The following CFAP92 variants were observed in gnomAD, a reference collection of about 807,000 sequenced individuals.
The protein encoded by CFAP92 is cilia and flagella associated protein 92 (putative).
CFAP92 carries 86 observed loss-of-function variants against 106.3 expected under a neutral mutation model. The ratio of observed to expected loss-of-function variants is 0.81; its 90% CI spans 0.68 to 0.97. CFAP92 has a LOEUF of 0.97. Ranked by LOEUF, CFAP92 falls within the 50% of genes least tolerant of loss-of-function variation. The pLI is 0.00. For synonymous variants in CFAP92, 477 were observed against 506.4 expected, an observed-to-expected ratio of 0.94 and a Z score of 0.78; for missense variants, 1,204 against 1,283.8, an observed-to-expected ratio of 0.94 and a Z score of 0.95.
At chr3:128,926,849 A>C (rs565138403) in intron 12 of CFAP92, among the ~76,000 whole-genome samples, 1 of 152,242 alleles carries the variant, frequency 6.6e-6, no homozygotes, top group Non-Finnish European at 1.5e-5. Flanking sequence ...TAATCCCAGC[A>C]CTTTGGTAGG....
intron 9 of CFAP92, among the ~76,000 whole-genome samples, chr3:128,958,578 TACTC>T (rs1346357270): frequency 6.6e-6 from 1 of 152,202 alleles, no homozygotes; most frequent in Non-Finnish European, 1.5e-5. Context: ...TATATGGACA[TACTC>T]ACACTAAGAC....
chr3:129,014,407 G>A, the CFAP92 span, among the ~76,000 whole-genome samples: 2 of 152,138 alleles, frequency 1.3e-5, no homozygotes, highest in Non-Finnish European at 2.9e-5. This position sits in a 1 kb window ranked among gnomAD's most constrained non-coding sequence, Gnocchi z 4.3. Context: ...CTTCTCCTGC[G>A]GCCTCTCTCC....
At position 128,932,958 on chromosome 3, in the gene CFAP92, G is replaced by A. The variant is rs1393659688; in HGVS notation, c.2493C>T (p.Asp831=). Residue 831 remains aspartate (D), a synonymous_variant, in exon 12 of 16, where the codon GAC becomes GAT. Transcript: ENST00000645291. ...DICYNSTTLW[D]VTVRDLLPSS... is the part of the protein sequence containing the mutation. Reference sequence around the variant, plus strand: ...AGGGCAGCAGGTCCCTCACCGTCACGTCCCAGAGGGTGGTGCTGTTATAGC... The same window carrying A: ...AGGGCAGCAGGTCCCTCACCGTCACATCCCAGAGGGTGGTGCTGTTATAGC... The A allele has an allele frequency of 9.8e-6, 15 of 1,535,998 alleles. No homozygotes were observed. The highest frequency in any genetic ancestry group is 4.9e-5 in the East Asian group (2 of 40,928).
intron 11 of CFAP92, among the ~76,000 whole-genome samples, chr3:128,933,252 G>C (rs1650929261): frequency 6.6e-6 from 1 of 152,150 alleles, no homozygotes; most frequent in Non-Finnish European, 1.5e-5. Flanking sequence ...CTCTGTTCCT[G>C]TGTCCTTAGC....
chr3:128,912,566 C>T lies in CFAP92; in HGVS notation c.3281-2233G>A, dbSNP rs778786636. On this transcript the variant is annotated intron_variant, in intron 15 of 15. Coordinates refer to ENST00000645291, the MANE Select transcript of CFAP92 (RefSeq NM_001394090.1). ...AGTGTCCCAGCAGATCCTTGAGAAG[C>T]GAGCCTATATCTGTGCCCACCCTCT... is the stretch of plus-strand genomic sequence containing the variant. 4.3e-6 allele frequency: 7 copies of T among 1,613,984 alleles called. No individual in the cohort carries two copies. The highest frequency in any genetic ancestry group is 1.3e-5 in the African/African-American group (1 of 74,904).
the CFAP92 span, among the ~76,000 whole-genome samples, chr3:129,013,585 C>G: frequency 6.6e-6 from 1 of 152,198 alleles, no homozygotes; most frequent in African/African-American, 2.4e-5. Context: ...CAATCACCCC[C>G]ATCAGAAACA....
chr3:129,021,464 C>T, the CFAP92 span, among the ~76,000 whole-genome samples: 4 of 152,160 alleles, frequency 2.6e-5, no homozygotes, highest in Non-Finnish European at 4.4e-5. Context: ...GTCCCAGCTA[C>T]TGGGGAGGCT....
Position 128,921,287 on chromosome 3 carries a change from C to T in CFAP92, c.2752-5016G>A, listed in dbSNP as rs113831181. On this transcript the variant is annotated intron_variant, in intron 12 of 15. Transcript: ENST00000645291. ...TGCATCATCAGAGGACACCCGAGGA[C>T]GACTGAAAGAAGCTCAGCAGGAAAG... Among the ~76,000 whole-genome samples, 702 of 152,290 alleles carry T rather than the reference C, an allele frequency of 4.6e-3. 2 individuals carry two copies. Among genetic ancestry groups the T allele is most frequent in the African/African-American group, 0.016 (652 of 41,530 alleles).
intron 11 of CFAP92, among the ~76,000 whole-genome samples, chr3:128,934,508 C>T (rs139786838): frequency 5.9e-5 from 9 of 152,042 alleles, no homozygotes; most frequent in Non-Finnish European, 8.8e-5. Context: ...CATGAGCCAC[C>T]GCATCCGGCC....
At chr3:128,969,165 C>A (rs1270833830) in intron 8 of CFAP92, 1 of 151,856 alleles carries the variant, frequency 6.6e-6, no homozygotes, top group African/African-American at 2.4e-5. Flanking sequence ...GTGAGATCCA[C>A]CCCCTGCCCC....
At chr3:128,963,809 G>T (rs959768115) in intron 9 of CFAP92, among the ~76,000 whole-genome samples, 11 of 149,754 alleles carry the variant, frequency 7.3e-5, no homozygotes, top group African/African-American at 2.2e-4. Flanking sequence ...TAACTTCTCA[G>T]TGTTCCATCT....
chr3:128,975,444 G>A (rs1943087151), intron 7 of CFAP92, among the ~76,000 whole-genome samples: 1 of 145,810 alleles, frequency 6.9e-6, no homozygotes, highest in Non-Finnish European at 1.5e-5. Context: ...TGGATGGATG[G>A]ATGGATGGAT....
rs1485833483 is a variant in CFAP92 at position 128,993,325 on chromosome 3, C to A, written c.-21G>T. 3.7e-6 allele frequency: 6 copies of A among 1,602,428 alleles called. No individual in the cohort carries two copies. The highest frequency in any genetic ancestry group is 5.1e-6 in the Non-Finnish European group (6 of 1,174,068). ...GACATGCTGCAGAGCGCACTGCTGG[C>A]CGCCGGCGCTCCTGGCAGGGAGAAA... On this transcript the variant is annotated 5_prime_UTR_variant, in exon 2 of 16. Transcript: ENST00000645291.
chr3:128,989,050 G>A (rs1199866709), intron 2 of CFAP92, 132 bp from the exon 3 acceptor site: 1 of 710,398 alleles, frequency 1.4e-6, no homozygotes. Context: ...TGGGGAAGGA[G>A]GTACAGGTCC....
chr3:128,938,798 A>G (rs1320466388), intron 10 of CFAP92, among the ~76,000 whole-genome samples: 1 of 151,926 alleles, frequency 6.6e-6, no homozygotes, highest in East Asian at 1.9e-4. Flanking sequence ...ATTCTTATAT[A>G]AAACAGGACT....
chr3:128,910,945 C>T, intron 15 of CFAP92: 1 of 1,062,822 alleles, frequency 9.4e-7, no homozygotes, highest in South Asian at 1.3e-5. Flanking sequence ...TGAGCGAGGG[C>T]CTGGGTAGGC....
At chr3:128,951,985 G>C (rs1316959995) in intron 9 of CFAP92, among the ~76,000 whole-genome samples, 1 of 152,164 alleles carries the variant, frequency 6.6e-6, no homozygotes, top group Non-Finnish European at 1.5e-5. Context: ...ACAGGGTACA[G>C]TGGCCAAGTG....
chr3:129,012,449 G>A, the CFAP92 span, among the ~76,000 whole-genome samples: 6 of 151,974 alleles, frequency 3.9e-5, no homozygotes, highest in Admixed American at 2.6e-4. Context: ...GGTTCTACTC[G>A]CTCCTGCTCC....
chr3:129,018,040 C>T, the CFAP92 span, among the ~76,000 whole-genome samples: 2 of 152,164 alleles, frequency 1.3e-5, no homozygotes, highest in African/African-American at 2.4e-5. Flanking sequence ...GTATGCAGTC[C>T]TGGCCATACA....
Sources: gnomAD v4.1 joint callset for allele counts (sites outside exome capture counted in the v4.1 genomes callset) on GRCh38, gnomAD v4.1.1 for gene constraint, Gnocchi (gnomAD v3.1) non-coding constraint, MANE v1.5 for transcripts, NCBI Gene and HGNC (gene_info 2026-07-23, HGNC 2026-07-21) for gene names.